The following RIPOR2 variants were observed in gnomAD, a reference collection of about 807,000 sequenced individuals.
RIPOR2 encodes the protein RHO family interacting cell polarization regulator 2, also known as rho family-interacting cell polarization regulator 2.
Under a neutral mutation model 114.5 loss-of-function variants are expected in RIPOR2, and 39 were observed. The observed-to-expected ratio is 0.34, with a 90% confidence interval of 0.26 to 0.44. The LOEUF (loss-of-function observed/expected upper bound fraction) is 0.44, where lower values mean the gene tolerates loss of function less well. Ranked by LOEUF, RIPOR2 falls within the 20% of genes least tolerant of loss-of-function variation. The pLI is 1.00. For synonymous variants in RIPOR2, 445 were observed against 484.4 expected (o/e 0.92, Z 1.07); for missense variants, 1,007 against 1,255.1 (o/e 0.80, Z 2.99).
intron 1 of RIPOR2, among the ~76,000 whole-genome samples, chr6:24,970,835 T>A (rs186430214): frequency 1.7e-3 from 254 of 152,270 alleles, no homozygotes; most frequent in Non-Finnish European, 2.2e-3. Flanking sequence ...CACTCTGTAG[T>A]CAGACGGCCT....
intron 1 of RIPOR2, among the ~76,000 whole-genome samples, chr6:24,946,008 A>T (rs968605349): frequency 6.6e-6 from 1 of 152,064 alleles, no homozygotes; most frequent in Non-Finnish European, 1.5e-5. Flanking sequence ...CACTCATCTC[A>T]TTAAGAGATA....
intron 1 of RIPOR2, among the ~76,000 whole-genome samples, chr6:24,974,435 G>A (rs186132450): frequency 9.2e-5 from 14 of 152,256 alleles, no homozygotes; most frequent in Non-Finnish European, 1.8e-4. Context: ...AACATCATTA[G>A]TCATCAGGGA....
intron 1 of RIPOR2, among the ~76,000 whole-genome samples, chr6:24,877,535 A>T (rs1765921799): frequency 6.6e-6 from 1 of 152,188 alleles, no homozygotes; most frequent in Non-Finnish European, 1.5e-5. Context: ...TAGGGCACAA[A>T]TGGTTAGACA....
intron 1 of RIPOR2, chr6:25,023,738 A>T (rs9358823): frequency 0.19 from 149,991 of 789,832 alleles, 19,387 homozygotes; most frequent in East Asian, 0.58. Context: ...GTTCAGGTAC[A>T]TGAAGAACTC....
intron 15 of RIPOR2, among the ~76,000 whole-genome samples, chr6:24,834,205 TGGCAG>T (rs1760916252): frequency 1.3e-5 from 2 of 152,182 alleles, no homozygotes; most frequent in African/African-American, 2.4e-5. Flanking sequence ...GCTAACCAAG[TGGCAG>T]GAGTTATAAT....
intron 1 of RIPOR2, among the ~76,000 whole-genome samples, chr6:24,906,993 A>C (rs1400517120): frequency 6.6e-6 from 1 of 152,202 alleles, no homozygotes. Flanking sequence ...AGACCTTAGA[A>C]TAATTGCCCA....
chr6:24,873,076 G>A (rs1765373796), intron 3 of RIPOR2, 117 bp from the exon 4 acceptor site: 6 of 678,774 alleles, frequency 8.8e-6, no homozygotes, highest in Non-Finnish European at 1.5e-5. Flanking sequence ...CTCTGTAGTT[G>A]GGCAGGAGGC....
intron 14 of RIPOR2, among the ~76,000 whole-genome samples, chr6:24,836,433 G>A (rs1024801515): frequency 2.0e-5 from 3 of 152,166 alleles, no homozygotes; most frequent in Admixed American, 6.5e-5. Context: ...TGCCTCTGAC[G>A]TTTTGTTTAA....
chr6:24,893,520 T>A (rs896029041), intron 1 of RIPOR2, among the ~76,000 whole-genome samples: 1 of 152,226 alleles, frequency 6.6e-6, no homozygotes, highest in African/African-American at 2.4e-5. Context: ...GGGGAATGTG[T>A]CTATTTTCTC....
At chr6:24,893,799 A>T (rs1217465075) in intron 1 of RIPOR2, among the ~76,000 whole-genome samples, 3 of 152,196 alleles carry the variant, frequency 2.0e-5, no homozygotes, top group Non-Finnish European at 4.4e-5. Flanking sequence ...TTTTGCCTCT[A>T]TCATCTGGTT....
intron 1 of RIPOR2, among the ~76,000 whole-genome samples, chr6:24,891,657 T>C (rs1460038227): frequency 6.6e-6 from 1 of 152,164 alleles, no homozygotes; most frequent in Non-Finnish European, 1.5e-5. Flanking sequence ...AGAGGCATAT[T>C]TGTACATGTG....
At chr6:24,923,992 T>C (rs1413139796) in intron 1 of RIPOR2, among the ~76,000 whole-genome samples, 1 of 152,190 alleles carries the variant, frequency 6.6e-6, no homozygotes, top group African/African-American at 2.4e-5. Flanking sequence ...TGGGTGTGTG[T>C]GGCAGTGCTT....
chr6:25,022,535 T>A (rs1776379899), intron 1 of RIPOR2, among the ~76,000 whole-genome samples: 1 of 43,636 alleles, frequency 2.3e-5, no homozygotes, highest in Non-Finnish European at 3.4e-5. Context: ...ACCTTCCATT[T>A]TTTTTTTTTT....
intron 1 of RIPOR2, among the ~76,000 whole-genome samples, chr6:24,979,381 G>A (rs568540574): frequency 2.6e-4 from 39 of 148,218 alleles, no homozygotes; most frequent in Non-Finnish European, 4.7e-4. Context: ...ACTGTCCTGT[G>A]GGAGAGACCA....
At chr6:25,009,262 T>G (rs1775683072) in intron 1 of RIPOR2, among the ~76,000 whole-genome samples, 1 of 152,180 alleles carries the variant, frequency 6.6e-6, no homozygotes, top group Non-Finnish European at 1.5e-5. Context: ...CAGAATACAG[T>G]GTTCTTTATC....
intron 1 of RIPOR2, among the ~76,000 whole-genome samples, chr6:24,993,989 G>A (rs1234362808): frequency 6.6e-6 from 1 of 152,192 alleles, no homozygotes. Flanking sequence ...TTGAGCCCAA[G>A]ATAAGAGTTG....
chr6:24,967,959 C>G (rs1031202690), intron 1 of RIPOR2, among the ~76,000 whole-genome samples: 2 of 141,476 alleles, frequency 1.4e-5, no homozygotes, highest in African/African-American at 5.4e-5. Context: ...GTCACCCAGG[C>G]TGGAGTGTAG....
At chr6:24,894,367 T>C (rs1262022135) in intron 1 of RIPOR2, among the ~76,000 whole-genome samples, 1 of 152,224 alleles carries the variant, frequency 6.6e-6, no homozygotes, top group African/African-American at 2.4e-5. Context: ...GAGACTGACC[T>C]GTAGGCAACT....
chr6:25,008,081 A>G (rs765640526), intron 1 of RIPOR2, among the ~76,000 whole-genome samples: 6 of 152,144 alleles, frequency 3.9e-5, no homozygotes, highest in Non-Finnish European at 8.8e-5. Context: ...AATCTGCCTC[A>G]TGTTTTACTG....
Sources: allele counts gnomAD v4.1 joint callset (sites outside exome capture counted in the v4.1 genomes callset), GRCh38; gene constraint gnomAD v4.1.1; transcripts MANE v1.5; gene names NCBI Gene and HGNC (gene_info 2026-07-23, HGNC 2026-07-21).